The following SKAP1 variants were observed in gnomAD, a reference collection of about 807,000 sequenced individuals.
The protein encoded by SKAP1 is src kinase-associated phosphoprotein 1.
SKAP1 carries 44 observed loss-of-function variants against 58.5 expected under a neutral mutation model. That is an observed-to-expected ratio of 0.75 (90% CI 0.59 to 0.97). The LOEUF is 0.97. SKAP1 is among the 50% of genes least tolerant of loss of function. The pLI, the probability that SKAP1 is intolerant of heterozygous loss-of-function variation, is 0.00. For synonymous variants in SKAP1, 127 were observed against 149.7 expected (o/e 0.85, Z 1.11); for missense variants, 390 against 435.2 (o/e 0.90, Z 0.92).
chr17:48,143,783 TC>T (rs1281911288), intron 11 of SKAP1, among the ~76,000 whole-genome samples: 2 of 152,200 alleles, frequency 1.3e-5, no homozygotes, highest in Non-Finnish European at 1.5e-5. Flanking sequence ...CCAGATGCTG[TC>T]ATCTGCATCA....
intron 4 of SKAP1, among the ~76,000 whole-genome samples, chr17:48,235,078 T>C (rs945600862): frequency 1.6e-4 from 25 of 152,212 alleles, no homozygotes; most frequent in African/African-American, 5.1e-4. Context: ...TGTGTGTATA[T>C]GTGAAGGCTT....
At chr17:48,246,728 G>A (rs1488128899) in intron 4 of SKAP1, among the ~76,000 whole-genome samples, 1 of 152,130 alleles carries the variant, frequency 6.6e-6, no homozygotes, top group Non-Finnish European at 1.5e-5. Context: ...CAATCCTGCT[G>A]GTCTTTTTCA....
upstream of SKAP1, among the ~76,000 whole-genome samples, chr17:48,433,723 C>T (rs2067929136): frequency 3.3e-5 from 5 of 152,316 alleles, no homozygotes; most frequent in South Asian, 1.0e-3. Flanking sequence ...TGGAGTCCAG[C>T]AGCACAACAT....
At chr17:48,444,166 G>A in the SKAP1 span, among the ~76,000 whole-genome samples, 8 of 99,180 alleles carry the variant, frequency 8.1e-5, no homozygotes, top group African/African-American at 1.9e-4. Context: ...AGGCTAAGGC[G>A]GGTGGATCAC....
chr17:48,352,843 A>G (rs2066819809), intron 3 of SKAP1, among the ~76,000 whole-genome samples: 2 of 152,336 alleles, frequency 1.3e-5, no homozygotes, highest in East Asian at 1.9e-4. Flanking sequence ...TTGTCTGATT[A>G]CTAAGCTCTT....
intron 4 of SKAP1, among the ~76,000 whole-genome samples, chr17:48,220,724 A>G (rs1008589995): frequency 2.6e-5 from 4 of 152,010 alleles, no homozygotes; most frequent in Admixed American, 2.0e-4. Flanking sequence ...GTGGTTGCAC[A>G]TGCCTGTAAT....
At chr17:48,187,807 G>T in intron 6 of SKAP1, 36 bp downstream of exon 6, 1 of 1,424,102 alleles carries the variant, frequency 7.0e-7, no homozygotes, top group Non-Finnish European at 9.9e-7. Flanking sequence ...TTGCATCCAG[G>T]AGTGAGATGC....
chr17:48,301,372 A>G (rs901713179), intron 4 of SKAP1, among the ~76,000 whole-genome samples: 2 of 152,128 alleles, frequency 1.3e-5, no homozygotes, highest in East Asian at 1.9e-4. Flanking sequence ...GAGATTCCCA[A>G]TTACCTATCT....
chr17:48,347,098 G>A (rs1339133719), intron 3 of SKAP1, among the ~76,000 whole-genome samples: 1 of 152,196 alleles, frequency 6.6e-6, no homozygotes, highest in Non-Finnish European at 1.5e-5. Context: ...TCAGACAGAA[G>A]ATGTTAGCTC....
At chr17:48,221,799 C>T (rs1348783980) in intron 4 of SKAP1, among the ~76,000 whole-genome samples, 3 of 152,192 alleles carry the variant, frequency 2.0e-5, no homozygotes, top group South Asian at 2.1e-4. Context: ...GGGATGGTGG[C>T]GTAATTTAAA....
chr17:48,213,350 C>CAAAAAA (rs71366849), intron 4 of SKAP1, among the ~76,000 whole-genome samples: 1 of 101,016 alleles, frequency 9.9e-6, no homozygotes, highest in African/African-American at 4.2e-5. Flanking sequence ...AACTCTGTCT[C>CAAAAAA]AAAAAAAAAA....
intron 8 of SKAP1, 22 bp downstream of exon 8, chr17:48,182,372 T>G: frequency 1.3e-6 from 2 of 1,547,762 alleles, no homozygotes; most frequent in Non-Finnish European, 1.8e-6. Flanking sequence ...TCAAGTATTA[T>G]TTCTGTAACA....
At chr17:48,320,471 G>C (rs2066347020) in intron 4 of SKAP1, among the ~76,000 whole-genome samples, 1 of 152,078 alleles carries the variant, frequency 6.6e-6, no homozygotes, top group Non-Finnish European at 1.5e-5. Context: ...TTAAATAAAA[G>C]TAAATTATTT....
chr17:48,218,461 T>A (rs1207747328), intron 4 of SKAP1, among the ~76,000 whole-genome samples: 1 of 152,234 alleles, frequency 6.6e-6, no homozygotes, highest in Non-Finnish European at 1.5e-5. Context: ...ATTCTAAGAA[T>A]AATAATTTCA....
chr17:48,348,577 AC>A lies in SKAP1; in HGVS notation c.179-2572del, dbSNP rs775428464. Among the ~76,000 whole-genome samples the A allele has an allele frequency of 9.5e-4, 144 of 152,266 alleles. 1 individual carries two copies. Among genetic ancestry groups the A allele is most frequent in the Non-Finnish European group, 2.0e-3 (133 of 68,018 alleles). On this transcript the variant is annotated intron_variant, in intron 3 of 12. Transcript: ENST00000336915. The stretch of plus-strand genomic sequence containing the variant: ...ACATAATTGAGGTCTATCTGCCAAA[AC>A]CAATAAATTAACATTGGTATATTGC...
At chr17:48,280,488 A>G (rs1486056290) in intron 4 of SKAP1, among the ~76,000 whole-genome samples, 1 of 152,218 alleles carries the variant, frequency 6.6e-6, no homozygotes, top group Non-Finnish European at 1.5e-5. Context: ...CTCTGTCTCA[A>G]AAACAAACAA....
chr17:48,217,599 T>C (rs1009409948), intron 4 of SKAP1, among the ~76,000 whole-genome samples: 3 of 152,096 alleles, frequency 2.0e-5, no homozygotes, highest in African/African-American at 7.2e-5. Context: ...TGGGCTGAGA[T>C]TGTGCCACTG....
intron 4 of SKAP1, among the ~76,000 whole-genome samples, chr17:48,325,248 CAAAAA>C (rs200281665): frequency 3.5e-4 from 32 of 91,454 alleles, no homozygotes; most frequent in African/African-American, 1.2e-3. Context: ...GACTCCGTCT[CAAAAA>C]AAAAAAAAAA....
At chr17:48,419,989 G>A (rs1380204068) in intron 1 of SKAP1, among the ~76,000 whole-genome samples, 1 of 152,026 alleles carries the variant, frequency 6.6e-6, no homozygotes. Flanking sequence ...TGTAAATGCT[G>A]GATACTAAAA....
Sources: allele counts gnomAD v4.1 joint callset (sites outside exome capture counted in the v4.1 genomes callset), GRCh38; gene constraint gnomAD v4.1.1; transcripts MANE v1.5; gene names NCBI Gene and HGNC (gene_info 2026-07-23, HGNC 2026-07-21).